Variants in ITCH observed in about 807,000 individuals in gnomAD.
The protein encoded by ITCH is E3 ubiquitin-protein ligase Itchy homolog.
In ITCH, 28 loss-of-function variants were observed where a neutral mutation model predicts 126.8. The ratio of observed to expected loss-of-function variants is 0.22; its 90% confidence interval spans 0.16 to 0.30. The LOEUF (loss-of-function observed/expected upper bound fraction) is 0.30. ITCH is among the 10% of genes least tolerant of loss of function. ITCH has a pLI of 1.00. For synonymous variants in ITCH, 342 were observed against 340.0 expected (o/e 1.01, Z -0.06); for missense variants, 631 against 1,032.4 (o/e 0.61, Z 5.33).
At chr20:34,373,266 C>T (rs1323659645) in intron 2 of ITCH, among the ~76,000 whole-genome samples, 5 of 151,698 alleles carry the variant, frequency 3.3e-5, no homozygotes, top group Non-Finnish European at 7.4e-5. Context: ...AGCCACTGCA[C>T]CTGGCCAAAT....
intron 2 of ITCH, among the ~76,000 whole-genome samples, chr20:34,382,157 A>G (rs1380608984): frequency 6.6e-6 from 1 of 152,212 alleles, no homozygotes; most frequent in Non-Finnish European, 1.5e-5. Context: ...ATTGGAATGT[A>G]GAATTGACTT....
chr20:34,465,886 TTTTA>T (rs970962006), intron 14 of ITCH, among the ~76,000 whole-genome samples: 1 of 152,112 alleles, frequency 6.6e-6, no homozygotes, highest in African/African-American at 2.4e-5. Flanking sequence ...TTTGGGTATC[TTTTA>T]TTTATTTATT....
chr20:34,407,401 G>C (rs2039097744), intron 3 of ITCH, among the ~76,000 whole-genome samples: 2 of 151,956 alleles, frequency 1.3e-5, no homozygotes, highest in African/African-American at 4.8e-5. Flanking sequence ...TGAGTAGCTG[G>C]GATTACAGGC....
At chr20:34,503,491 A>G (rs1990391402) in intron 23 of ITCH, among the ~76,000 whole-genome samples, 1 of 152,244 alleles carries the variant, frequency 6.6e-6, no homozygotes. Flanking sequence ...TATGCCCTAC[A>G]GGACCTGTAA....
In ITCH at chr20:34,509,135, G is replaced by A. The variant is rs41290894; in HGVS notation, c.*1341G>A. 0.024 allele frequency: 3,624 copies of A among 152,248 alleles called. 66 individuals carry two copies. Among genetic ancestry groups the A allele is most frequent in the South Asian group, 0.047 (226 of 4,804 alleles). The allele number at this position is 152,248 out of a possible 1,614,324, so 9.4% of individuals were successfully genotyped here. ...TAACAGGGTTTCCTTTTTTTCTCACGACTATTTAAGTTTAGATTGCTCCAT... is the reference window on the plus strand; with the variant it reads ...TAACAGGGTTTCCTTTTTTTCTCACAACTATTTAAGTTTAGATTGCTCCAT... On this transcript the variant is annotated 3_prime_UTR_variant, in exon 25 of 25. Transcript: ENST00000374864.
intron 11 of ITCH, among the ~76,000 whole-genome samples, chr20:34,449,176 T>A (rs1402374511): frequency 6.6e-6 from 1 of 152,154 alleles, no homozygotes; most frequent in Non-Finnish European, 1.5e-5. Context: ...GAGGATTACA[T>A]ATATGTGTAG....
At chr20:34,417,271 T>C (rs750337936) in intron 6 of ITCH, 12 of 506,540 alleles carry the variant, frequency 2.4e-5, no homozygotes, top group African/African-American at 1.6e-4. Context: ...TAATTTTGTA[T>C]TTTTTAGTAG....
Position 34,476,342 on chromosome 20 carries a change from G to T in ITCH, c.1570-1430G>T, listed in dbSNP as rs553956197. 4,248 of 1,309,784 alleles carry T rather than the reference G, an allele frequency of 3.2e-3. 13 individuals carry two copies. The highest frequency in any genetic ancestry group is 4.2e-3 in the Non-Finnish European group (3,997 of 945,264). 81.1% of individuals were successfully genotyped at this position (1,309,784 alleles called of 1,614,324 possible). A position where few individuals can be genotyped will look rare whatever the true frequency, so the allele number is the denominator to read the frequency against. On this transcript the variant is annotated intron_variant, in intron 16 of 24. Coordinates refer to ENST00000374864, the MANE Select transcript of ITCH (RefSeq NM_031483.7). ...AGCGGCCGGCTCGCCTCCGCGCTCC[G>T]GCCCGGTCCCCGGCTCCTCAGCAGG... is the stretch of plus-strand genomic sequence containing the variant.
rs1978711000 is a variant in ITCH at position 34,510,771 on chromosome 20, C to T, written c.*2977C>T. On this transcript the variant is annotated 3_prime_UTR_variant, in exon 25 of 25. Transcript: ENST00000374864. The stretch of plus-strand genomic sequence containing the variant: ...CTCGGGAGGCTGAGGTGGGAGGATC[C>T]CAGGAGTTCAAATCCTGCCTGGGCA... 6.6e-6 allele frequency: 1 copy of T among 151,784 alleles called. No homozygotes were observed. The highest frequency in any genetic ancestry group is 2.4e-5 in the African/African-American group (1 of 41,284). 9.4% of individuals were successfully genotyped at this position (151,784 alleles called of 1,614,324 possible).
chr20:34,501,071 T>C (rs960688898), intron 23 of ITCH, among the ~76,000 whole-genome samples: 2 of 152,214 alleles, frequency 1.3e-5, no homozygotes, highest in African/African-American at 2.4e-5. Context: ...TATCTCATTC[T>C]CTCCTGGTCT....
intron 3 of ITCH, among the ~76,000 whole-genome samples, chr20:34,406,583 G>A (rs373274215): frequency 1.1e-4 from 16 of 149,180 alleles, no homozygotes; most frequent in African/African-American, 4.0e-4. Flanking sequence ...CACCCAGGCT[G>A]GAGTGCAGTG....
chr20:34,478,177 G>A (rs1468580010), intron 17 of ITCH, among the ~76,000 whole-genome samples: 1 of 152,174 alleles, frequency 6.6e-6, no homozygotes, highest in Non-Finnish European at 1.5e-5. Flanking sequence ...GAGCCTGGAT[G>A]CAAGCTTTGT....
At chr20:34,495,027 G>T (rs371938322) in intron 23 of ITCH, among the ~76,000 whole-genome samples, 1 of 151,254 alleles carries the variant, frequency 6.6e-6, no homozygotes, top group African/African-American at 2.4e-5. Flanking sequence ...CGAGGCAGGC[G>T]GATCACCTGA....
chr20:34,504,246 CAT>C (rs1166853398), intron 23 of ITCH, 83 bp from the exon 24 acceptor site: 1 of 999,190 alleles, frequency 1.0e-6, no homozygotes, highest in Non-Finnish European at 1.6e-6. Flanking sequence ...CAAGTTCCCT[CAT>C]GATGCTGATG....
intron 2 of ITCH, among the ~76,000 whole-genome samples, chr20:34,388,033 G>A (rs1242297092): frequency 6.6e-6 from 1 of 151,946 alleles, no homozygotes; most frequent in Non-Finnish European, 1.5e-5. Context: ...ATCTTCATTG[G>A]TTCCAGTCAC....
intron 14 of ITCH, among the ~76,000 whole-genome samples, chr20:34,469,570 T>G (rs1987422259): frequency 6.6e-6 from 1 of 152,176 alleles, no homozygotes; most frequent in Admixed American, 6.5e-5. Context: ...GATTTATAGG[T>G]GTGAACCACT....
At chr20:34,373,097 C>G (rs532986908) in intron 2 of ITCH, among the ~76,000 whole-genome samples, 159 of 151,664 alleles carry the variant, frequency 1.0e-3, no homozygotes, top group Non-Finnish European at 1.8e-3. Context: ...GCCTGAGTCT[C>G]CCAAGTAGCT....
intron 2 of ITCH, among the ~76,000 whole-genome samples, chr20:34,372,298 G>C (rs1214996419): frequency 8.6e-6 from 1 of 116,010 alleles, no homozygotes; most frequent in East Asian, 2.7e-4. Context: ...GAGTGACAGA[G>C]GGATACTTTG....
chr20:34,432,178 C>T (rs73610850), intron 7 of ITCH, among the ~76,000 whole-genome samples: 36 of 151,940 alleles, frequency 2.4e-4, no homozygotes, highest in Admixed American at 9.8e-4. Context: ...AGGTTAACGC[C>T]TTAGCTTATC....
Sources: allele counts gnomAD v4.1 joint callset (sites outside exome capture counted in the v4.1 genomes callset), GRCh38; gene constraint gnomAD v4.1.1; transcripts MANE v1.5; gene names NCBI Gene and HGNC (gene_info 2026-07-23, HGNC 2026-07-21).